Variants in INPP4B observed in about 807,000 individuals in gnomAD.
The protein encoded by INPP4B is inositol polyphosphate 4-phosphatase type II.
In INPP4B, 55 loss-of-function variants were observed where a neutral mutation model predicts 122.5. The observed-to-expected ratio is 0.45, with a 90% confidence interval of 0.36 to 0.56. The LOEUF is 0.56. Ranked by LOEUF, INPP4B falls within the 20% of genes least tolerant of loss-of-function variation. INPP4B has a pLI of 0.00. For missense variants in INPP4B, 1,000 were observed against 1,097.7 expected (o/e 0.91, Z 1.26); for synonymous variants, 403 against 388.7 (o/e 1.04, Z -0.43).
At chr4:142,354,413 A>C (rs1782922700) in intron 7 of INPP4B, among the ~76,000 whole-genome samples, 2 of 152,014 alleles carry the variant, frequency 1.3e-5, no homozygotes, top group Non-Finnish European at 2.9e-5. Context: ...GGAAAAGCAG[A>C]GTGGAAGATT....
At chr4:142,305,763 G>GT (rs1763123203) in intron 8 of INPP4B, 2 of 1,349,082 alleles carry the variant, frequency 1.5e-6, no homozygotes, top group East Asian at 6.6e-5. Flanking sequence ...AGACCAACAG[G>GT]CTAGAAAATA....
At chr4:142,445,300 G>A (rs2149469874) in intron 3 of INPP4B, among the ~76,000 whole-genome samples, 1 of 152,014 alleles carries the variant, frequency 6.6e-6, no homozygotes, top group South Asian at 2.1e-4. Flanking sequence ...TAGTACATAT[G>A]TTATTTGAAT....
At chr4:142,597,773 C>A (rs1739027264) in intron 2 of INPP4B, among the ~76,000 whole-genome samples, 1 of 152,092 alleles carries the variant, frequency 6.6e-6, no homozygotes, top group South Asian at 2.1e-4. Context: ...TCTGAAACAA[C>A]AAGATCTATA....
intron 25 of INPP4B, among the ~76,000 whole-genome samples, chr4:142,050,974 T>C (rs1233258333): frequency 6.6e-6 from 1 of 152,064 alleles, no homozygotes; most frequent in Non-Finnish European, 1.5e-5. Flanking sequence ...GAATAAATTA[T>C]TAACATACAT....
At chr4:142,136,856 T>C (rs1358386902) in intron 18 of INPP4B, among the ~76,000 whole-genome samples, 1 of 152,122 alleles carries the variant, frequency 6.6e-6, no homozygotes, top group South Asian at 2.1e-4. Context: ...TAAATCTATA[T>C]ACAAAACCGC....
chr4:142,181,305 T>C (rs185422443), intron 15 of INPP4B, among the ~76,000 whole-genome samples: 22 of 152,328 alleles, frequency 1.4e-4, no homozygotes, highest in Admixed American at 1.1e-3. Flanking sequence ...CAGAATGTTT[T>C]TGTTACCTAG....
At chr4:142,656,234 A>G (rs1754111440) in intron 2 of INPP4B, among the ~76,000 whole-genome samples, 1 of 152,218 alleles carries the variant, frequency 6.6e-6, no homozygotes, top group Admixed American at 6.5e-5. Flanking sequence ...CTCACCCAAT[A>G]GAACCCTGTT....
chr4:142,366,557 G>A (rs1415105242), intron 7 of INPP4B, among the ~76,000 whole-genome samples: 2 of 152,076 alleles, frequency 1.3e-5, no homozygotes, highest in African/African-American at 4.8e-5. Flanking sequence ...AGTTTACGTA[G>A]GCAAATCGTC....
intron 17 of INPP4B, among the ~76,000 whole-genome samples, chr4:142,158,791 AG>A (rs1818535880): frequency 6.6e-6 from 1 of 150,916 alleles, no homozygotes; most frequent in Non-Finnish European, 1.5e-5. Context: ...CAACAGGAAG[AG>A]GGGGTCAAGG....
At chr4:142,453,970 G>T (rs1814851954) in intron 3 of INPP4B, among the ~76,000 whole-genome samples, 1 of 152,054 alleles carries the variant, frequency 6.6e-6, no homozygotes, top group Non-Finnish European at 1.5e-5. Context: ...CAAATGCCTT[G>T]TGAAACACGG....
At chr4:142,665,493 C>CAAAAAA (rs11417876) in intron 2 of INPP4B, among the ~76,000 whole-genome samples, 1 of 107,746 alleles carries the variant, frequency 9.3e-6, no homozygotes. Context: ...GACTCTGTCT[C>CAAAAAA]AAAAAAAAAA....
At chr4:142,764,679 C>A (rs755804341) in intron 1 of INPP4B, among the ~76,000 whole-genome samples, 17 of 152,034 alleles carry the variant, frequency 1.1e-4, no homozygotes, top group Non-Finnish European at 2.4e-4. Context: ...CTTTATTCTG[C>A]AACACCCAGC....
chr4:142,546,464 C>T (rs1397732227), intron 2 of INPP4B, among the ~76,000 whole-genome samples: 1 of 152,098 alleles, frequency 6.6e-6, no homozygotes, highest in Non-Finnish European at 1.5e-5. Flanking sequence ...GAATGACTTT[C>T]AACCATAGTA....
chr4:142,561,977 T>C (rs946518764), intron 2 of INPP4B, among the ~76,000 whole-genome samples: 7 of 152,116 alleles, frequency 4.6e-5, no homozygotes, highest in Admixed American at 1.3e-4. Context: ...TTTTGTTCTC[T>C]TTTTCTTTTT....
chr4:142,278,652 T>C (rs756768079), intron 9 of INPP4B, among the ~76,000 whole-genome samples: 13 of 151,526 alleles, frequency 8.6e-5, no homozygotes, highest in Non-Finnish European at 1.5e-4. Flanking sequence ...GAAAGTGGAG[T>C]TGTACAGGAG....
intron 2 of INPP4B, among the ~76,000 whole-genome samples, chr4:142,674,089 C>T (rs10018925): frequency 0.011 from 1,641 of 152,248 alleles, 30 homozygotes; most frequent in African/African-American, 0.038. Context: ...TCTCTGATCC[C>T]AGGACAAGTT....
intron 2 of INPP4B, among the ~76,000 whole-genome samples, chr4:142,534,285 C>T (rs61104737): frequency 0.23 from 35,549 of 151,910 alleles, 5,286 homozygotes; most frequent in East Asian, 0.78. Context: ...GATGGTGACA[C>T]CTTCAAAATT....
rs539415273 is a variant in INPP4B, at chr4:142,126,920, T to C, written c.1721-2160A>G. ...TTCTCAATATGAATGGGTAGACTAA[T>C]AGACACAGGGAAACACTAGAAAAAA... On this transcript the variant is annotated intron_variant, in intron 18 of 25. Coordinates refer to ENST00000262992, the MANE Select transcript of INPP4B (RefSeq NM_001101669.3). 1.1e-4 allele frequency among the ~76,000 whole-genome samples: 17 copies of C among 152,286 alleles called. No homozygotes were observed. In the South Asian group the frequency reaches 3.3e-3, roughly 30 times the overall value.
intron 2 of INPP4B, among the ~76,000 whole-genome samples, chr4:142,551,198 G>A (rs1560789322): frequency 6.6e-6 from 1 of 152,174 alleles, no homozygotes. Flanking sequence ...TTCCTTGGAC[G>A]ACGCCCTTGT....
Sources: allele counts gnomAD v4.1 joint callset (sites outside exome capture counted in the v4.1 genomes callset), GRCh38; gene constraint gnomAD v4.1.1; transcripts MANE v1.5; gene names NCBI Gene and HGNC (gene_info 2026-07-23, HGNC 2026-07-21).